The following KIAA1328 variants were observed in gnomAD, a reference collection of about 807,000 sequenced individuals.
KIAA1328 encodes the protein protein hinderin.
A neutral mutation model predicts 68.1 loss-of-function variants in KIAA1328; 52 were observed. The observed-to-expected ratio is 0.76, with a 90% CI of 0.61 to 0.96. KIAA1328 has a LOEUF of 0.96. Ranked by LOEUF, KIAA1328 falls within the 40% of genes least tolerant of loss-of-function variation. The probability of loss-of-function intolerance (pLI) is 0.00; values close to 1 mark genes in which losing one functional copy is unlikely to be tolerated. For synonymous variants in KIAA1328, 232 were observed against 239.4 expected (o/e 0.97, Z 0.28); for missense variants, 641 against 677.6 (o/e 0.95, Z 0.60).
intron 5 of KIAA1328, among the ~76,000 whole-genome samples, chr18:36,901,089 A>G (rs2049021889): frequency 6.6e-6 from 1 of 152,064 alleles, no homozygotes; most frequent in South Asian, 2.1e-4. Context: ...ATGAATATTT[A>G]GAGTTCTGCT....
intron 7 of KIAA1328, among the ~76,000 whole-genome samples, chr18:37,091,484 A>C (rs113063539): frequency 4.6e-5 from 7 of 152,182 alleles, no homozygotes; most frequent in African/African-American, 1.7e-4. Flanking sequence ...TAGCTATAGG[A>C]GAGCTCTTCA....
chr18:36,878,286 T>G (rs2048208544), intron 4 of KIAA1328, among the ~76,000 whole-genome samples: 1 of 152,184 alleles, frequency 6.6e-6, no homozygotes, highest in African/African-American at 2.4e-5. Flanking sequence ...CGTATGAAGC[T>G]TAGTTTGGCT....
intron 7 of KIAA1328, among the ~76,000 whole-genome samples, chr18:37,117,932 T>C (rs941790721): frequency 6.6e-6 from 1 of 150,962 alleles, no homozygotes; most frequent in Non-Finnish European, 1.5e-5. Context: ...GAATAAAGAA[T>C]TACTTATAGC....
At chr18:36,988,809 C>G (rs1298736131) in intron 6 of KIAA1328, among the ~76,000 whole-genome samples, 2 of 54 alleles carry the variant, frequency 0.037, no homozygotes, top group Admixed American at 0.25. Flanking sequence ...ATAATTTATA[C>G]TGTTTATATA....
intron 6 of KIAA1328, among the ~76,000 whole-genome samples, chr18:36,969,939 C>G (rs1184069540): frequency 6.6e-6 from 1 of 152,168 alleles, no homozygotes; most frequent in Admixed American, 6.6e-5. Flanking sequence ...AAGAGGGACT[C>G]CTCCCTAACT....
At chr18:37,089,303 A>G (rs1025448684) in intron 7 of KIAA1328, among the ~76,000 whole-genome samples, 1 of 149,480 alleles carries the variant, frequency 6.7e-6, no homozygotes, top group Non-Finnish European at 1.5e-5. Flanking sequence ...TAGTCCTTAT[A>G]TTATGTATAG....
chr18:37,091,714 T>A (rs1478964097), intron 7 of KIAA1328, among the ~76,000 whole-genome samples: 2 of 152,138 alleles, frequency 1.3e-5, no homozygotes, highest in African/African-American at 2.4e-5. Flanking sequence ...CTGACATCCC[T>A]CCACATCTTT....
chr18:36,948,090 A>C (rs1158930801), intron 5 of KIAA1328, among the ~76,000 whole-genome samples: 2 of 152,100 alleles, frequency 1.3e-5, no homozygotes, highest in African/African-American at 4.8e-5. Context: ...GCCTTCATTC[A>C]GTCAGTTGAG....
At chr18:36,967,114 A>G (rs1192727589) in intron 6 of KIAA1328, among the ~76,000 whole-genome samples, 1 of 152,208 alleles carries the variant, frequency 6.6e-6, no homozygotes, top group Non-Finnish European at 1.5e-5. Context: ...ATGTTATGTT[A>G]TATATTTAAA....
At chr18:37,091,681 A>G (rs1422858767) in intron 7 of KIAA1328, among the ~76,000 whole-genome samples, 1 of 152,162 alleles carries the variant, frequency 6.6e-6, no homozygotes, top group East Asian at 1.9e-4. Flanking sequence ...CAACCCCTGC[A>G]TCTTCACATC....
chr18:37,136,340 AT>A (rs1180305690), intron 7 of KIAA1328, among the ~76,000 whole-genome samples: 1 of 152,134 alleles, frequency 6.6e-6, no homozygotes, highest in Non-Finnish European at 1.5e-5. Context: ...TATTATATTC[AT>A]GGTTCATTTG....
At chr18:37,102,878 A>G (rs1419248836) in intron 7 of KIAA1328, among the ~76,000 whole-genome samples, 1 of 152,232 alleles carries the variant, frequency 6.6e-6, no homozygotes, top group Non-Finnish European at 1.5e-5. Context: ...CAAATACTGT[A>G]CTGTACACTT....
chr18:37,178,319 G>C (rs1182422670), intron 9 of KIAA1328, among the ~76,000 whole-genome samples: 1 of 152,070 alleles, frequency 6.6e-6, no homozygotes, highest in Non-Finnish European at 1.5e-5. Flanking sequence ...AGCAATTGAG[G>C]CCAAGTCAAC....
intron 4 of KIAA1328, among the ~76,000 whole-genome samples, chr18:36,880,823 A>G (rs1374395677): frequency 1.3e-5 from 2 of 152,324 alleles, no homozygotes; most frequent in African/African-American, 2.4e-5. Context: ...TTCTGCTATT[A>G]TAGATGAGCA....
Position 36,834,301 on chromosome 18 carries a change from T to C in KIAA1328, c.59-19T>C, listed in dbSNP as rs377189414. ...GCCGGATAATATTATTGTATTTTCC[T>C]TCATGTTCTCCTGCGTAGTTTCTGA... On this transcript the variant is annotated intron_variant, in intron 1 of 9. Coordinates refer to ENST00000280020, the MANE Select transcript of KIAA1328 (RefSeq NM_020776.3). The C allele has an allele frequency of 1.3e-6, 2 of 1,561,574 alleles. No individual in the cohort carries two copies. Among genetic ancestry groups the C allele is most frequent in the Non-Finnish European group, 1.7e-6 (2 of 1,154,266 alleles).
intron 9 of KIAA1328, among the ~76,000 whole-genome samples, chr18:37,201,123 A>G (rs900596338): frequency 6.6e-6 from 1 of 152,230 alleles, no homozygotes; most frequent in African/African-American, 2.4e-5. Flanking sequence ...TCTTTGATCT[A>G]TATCACTGCT....
intron 6 of KIAA1328, among the ~76,000 whole-genome samples, chr18:36,985,380 T>G (rs369333344): frequency 6.6e-6 from 1 of 152,140 alleles, no homozygotes; most frequent in South Asian, 2.1e-4. Flanking sequence ...ATTGTAAAAT[T>G]TATATGGAAA....
At position 36,890,226 on chromosome 18, in the gene KIAA1328, C is replaced by CT. The variant is rs564856190; in HGVS notation, c.448+4567dup. 6.7e-3 allele frequency among the ~76,000 whole-genome samples: 940 copies of CT among 140,300 alleles called. 4 individuals are homozygous for CT. The highest frequency in any genetic ancestry group is 0.019 in the Admixed American group (273 of 14,104). The allele number at this position is 140,300 out of a possible 152,430, so 92.0% of individuals were successfully genotyped here. A position where few individuals can be genotyped will look rare whatever the true frequency, so the allele number is the denominator to read the frequency against. ...AACTAGCTTTTTTTTCTTTCTTCTT[C>CT]TTTTTTTTTTTTTAAAAAAAAAGCA... On this transcript the variant is annotated intron_variant, in intron 5 of 9. Coordinates refer to ENST00000280020, the MANE Select transcript of KIAA1328 (RefSeq NM_020776.3).
chr18:36,917,435 C>A (rs959397951), intron 5 of KIAA1328, among the ~76,000 whole-genome samples: 1 of 152,010 alleles, frequency 6.6e-6, no homozygotes, highest in African/African-American at 2.4e-5. Flanking sequence ...TTGCTCAGGT[C>A]GGTCTTGAAC....
Sources: gnomAD v4.1 joint callset for allele counts (sites outside exome capture counted in the v4.1 genomes callset) on GRCh38, gnomAD v4.1.1 for gene constraint, MANE v1.5 for transcripts, NCBI Gene and HGNC (gene_info 2026-07-23, HGNC 2026-07-21) for gene names.